Variants in SLC36A1 observed in about 807,000 individuals in gnomAD.
SLC36A1 encodes proton-coupled amino acid transporter 1.
A neutral mutation model predicts 47.5 loss-of-function variants in SLC36A1; 30 were observed. That is an observed-to-expected ratio of 0.63 (90% CI 0.47 to 0.86). The LOEUF (loss-of-function observed/expected upper bound fraction) is 0.86, where lower values mean the gene tolerates loss of function less well. Among genes scored for constraint, SLC36A1 ranks in the 40% least tolerant of loss-of-function variants. The probability of loss-of-function intolerance (pLI) is 0.00; values close to 1 mark genes in which losing one functional copy is unlikely to be tolerated. For synonymous variants in SLC36A1, 255 were observed against 249.7 expected, an observed-to-expected ratio of 1.02 and a Z score of -0.20; for missense variants, 517 against 606.0, an observed-to-expected ratio of 0.85 and a Z score of 1.54.
At chr5:151,380,569 A>G in the SLC36A1 span, 8 of 544,346 alleles carry the variant, frequency 1.5e-5, no homozygotes, top group Non-Finnish European at 3.0e-5. Context: ...GAAACTGGAC[A>G]TGCGTCTGAA....
chr5:151,369,429 T>C, the SLC36A1 span, among the ~76,000 whole-genome samples: 5 of 152,208 alleles, frequency 3.3e-5, no homozygotes, highest in African/African-American at 1.2e-4. Flanking sequence ...ATTCGTGCAT[T>C]AGATCTTCAA....
the SLC36A1 span, among the ~76,000 whole-genome samples, chr5:151,535,335 A>T: frequency 7.9e-5 from 12 of 152,046 alleles, no homozygotes; most frequent in Admixed American, 7.2e-4. Flanking sequence ...CAAGATTCCC[A>T]TCTTTCCCCC....
chr5:151,350,243 C>G, the SLC36A1 span, among the ~76,000 whole-genome samples: 3 of 151,962 alleles, frequency 2.0e-5, no homozygotes, highest in African/African-American at 7.3e-5. Flanking sequence ...TGTATTGAGT[C>G]TATTCTATGT....
intron 1 of SLC36A1, among the ~76,000 whole-genome samples, chr5:151,458,356 T>TATACACACAC (rs796511045): frequency 1.7e-4 from 22 of 129,768 alleles, no homozygotes; most frequent in African/African-American, 6.0e-4. Context: ...TATATATATA[T>TATACACACAC]ACACACACGA....
chr5:151,461,605 A>C (rs1042384992), intron 2 of SLC36A1, among the ~76,000 whole-genome samples: 12 of 152,278 alleles, frequency 7.9e-5, no homozygotes, highest in Middle Eastern at 3.4e-3. Context: ...TAATACTAAG[A>C]TGTTATCTGC....
At chr5:151,472,933 C>T (rs573755662) in intron 7 of SLC36A1, among the ~76,000 whole-genome samples, 7 of 152,192 alleles carry the variant, frequency 4.6e-5, no homozygotes, top group Non-Finnish European at 1.0e-4. Flanking sequence ...CTTGGGAGGC[C>T]GAGGCAGGCA....
chr5:151,395,193 GA>G, the SLC36A1 span, among the ~76,000 whole-genome samples: 2 of 152,230 alleles, frequency 1.3e-5, no homozygotes, highest in Admixed American at 6.5e-5. Context: ...GTGGGCGTGG[GA>G]CCCTCTGAGC....
chr5:151,523,062 A>G, the SLC36A1 span, among the ~76,000 whole-genome samples: 8 of 152,302 alleles, frequency 5.3e-5, no homozygotes, highest in Non-Finnish European at 8.8e-5. Flanking sequence ...TCACTTCCTC[A>G]GCTGTCAACG....
intron 1 of SLC36A1, among the ~76,000 whole-genome samples, chr5:151,439,730 G>A (rs970595759): frequency 4.6e-5 from 7 of 151,510 alleles, no homozygotes; most frequent in Non-Finnish European, 1.0e-4. Flanking sequence ...CATTCCAGTT[G>A]TATTGATCTG....
chr5:151,550,172 G>A, the SLC36A1 span, among the ~76,000 whole-genome samples: 1 of 152,182 alleles, frequency 6.6e-6, no homozygotes, highest in African/African-American at 2.4e-5. Flanking sequence ...TAAAAATGCA[G>A]GCACATGGCC....
chr5:151,375,981 T>C, the SLC36A1 span, among the ~76,000 whole-genome samples: 34 of 152,172 alleles, frequency 2.2e-4, no homozygotes, highest in Non-Finnish European at 7.3e-5. Context: ...TTGTATGCCT[T>C]TATTTCTTTT....
At chr5:151,418,533 C>T in the SLC36A1 span, among the ~76,000 whole-genome samples, 1 of 152,170 alleles carries the variant, frequency 6.6e-6, no homozygotes, top group Non-Finnish European at 1.5e-5. Context: ...TTTGACTGCC[C>T]AGATGGATTT....
rs372379985 is a variant in SLC36A1, at chr5:151,483,662, T to G, written c.1159+4173T>G. Among the ~76,000 whole-genome samples, 10 of 152,292 alleles carry G rather than the reference T, an allele frequency of 6.6e-5. No individual in the cohort carries two copies. The East Asian group carries it at 1.7e-3, about 26-fold the overall frequency. On this transcript the variant is annotated intron_variant, in intron 10 of 10. Coordinates refer to ENST00000243389, the MANE Select transcript of SLC36A1 (RefSeq NM_078483.4). ...CAGAAGGGGTTTTATTTGCCCCACA[T>G]GTCTGCATAGTCGATTGCTGCTTCT... is the stretch of plus-strand genomic sequence containing the variant.
downstream of SLC36A1, among the ~76,000 whole-genome samples, chr5:151,495,383 G>A (rs1476020205): frequency 6.6e-6 from 1 of 152,156 alleles, no homozygotes; most frequent in South Asian, 2.1e-4. Context: ...AAAGGCACAG[G>A]AGGGAGGTCC....
the SLC36A1 span, among the ~76,000 whole-genome samples, chr5:151,418,589 C>T: frequency 6.6e-6 from 1 of 152,148 alleles, no homozygotes; most frequent in African/African-American, 2.4e-5. Flanking sequence ...CCAATTTCTC[C>T]CATTTGGAAT....
chr5:151,387,581 G>C, the SLC36A1 span, among the ~76,000 whole-genome samples: 1,646 of 152,284 alleles, frequency 0.011, 66 homozygotes, highest in East Asian at 0.14. Flanking sequence ...AATGAGTGGG[G>C]TGGTGGGTGA....
the SLC36A1 span, among the ~76,000 whole-genome samples, chr5:151,431,595 G>A: frequency 6.6e-6 from 1 of 152,152 alleles, no homozygotes; most frequent in Non-Finnish European, 1.5e-5. Flanking sequence ...ATGGGGGTGG[G>A]TCTTTCCTGT....
At chr5:151,386,232 C>G in the SLC36A1 span, among the ~76,000 whole-genome samples, 1 of 152,034 alleles carries the variant, frequency 6.6e-6, no homozygotes, top group Admixed American at 6.6e-5. Flanking sequence ...GGGTCCCCTA[C>G]TGGCTGTTCA....
rs868242935 is a variant in SLC36A1 at position 151,450,727 on chromosome 5, A to G, written c.-6+2914A>G. Among the ~76,000 whole-genome samples the G allele has an allele frequency of 3.9e-5, 6 of 152,324 alleles. No individual in the cohort carries two copies. The South Asian group carries it at 1.2e-3, about 32-fold the overall frequency. The stretch of plus-strand genomic sequence containing the variant: ...TATCACCACCACCTCCCCTCCAGTG[A>G]GTATCTCAGTTCTTTAAATGCTTGA... On this transcript the variant is annotated intron_variant, in intron 1 of 10. Transcript: ENST00000243389.
Sources: gnomAD v4.1 joint callset for allele counts (sites outside exome capture counted in the v4.1 genomes callset) on GRCh38, gnomAD v4.1.1 for gene constraint, MANE v1.5 for transcripts, NCBI Gene and HGNC (gene_info 2026-07-23, HGNC 2026-07-21) for gene names.